Variants in LYST observed in about 807,000 individuals in gnomAD.
LYST encodes lysosomal trafficking regulator, also known as lysosomal-trafficking regulator.
LYST carries 192 observed loss-of-function variants against 413.6 expected under a neutral mutation model. The ratio of observed to expected loss-of-function variants is 0.46; its 90% CI spans 0.41 to 0.52. The LOEUF (loss-of-function observed/expected upper bound fraction) is 0.52, where lower values mean the gene tolerates loss of function less well. Among genes scored for constraint, LYST ranks in the 20% least tolerant of loss-of-function variants. The probability of loss-of-function intolerance (pLI) is 0.00; values close to 1 mark genes in which losing one functional copy is unlikely to be tolerated. For synonymous variants in LYST, 1,525 were observed against 1,567.3 expected (o/e 0.97, Z 0.64); for missense variants, 3,815 against 4,499.9 (o/e 0.85, Z 4.35).
intron 1 of LYST, among the ~76,000 whole-genome samples, chr1:235,881,373 T>C (rs981162555): frequency 5.3e-5 from 8 of 152,210 alleles, no homozygotes; most frequent in African/African-American, 1.9e-4. Context: ...TGTATATAGC[T>C]ACATTACCAC....
intron 1 of LYST, among the ~76,000 whole-genome samples, chr1:235,864,573 T>C (rs1034831025): frequency 1.3e-5 from 2 of 152,228 alleles, no homozygotes; most frequent in African/African-American, 4.8e-5. Flanking sequence ...CTTCTGCTCC[T>C]GCTCAACCCT....
chr1:235,747,438 G>A (rs1666038902), intron 28 of LYST: 1 of 214,404 alleles, frequency 4.7e-6, no homozygotes, highest in South Asian at 5.6e-5. Flanking sequence ...TATCCTGTAA[G>A]ATATTTAAAT....
chr1:235,672,091 C>T (rs1658988522), intron 50 of LYST, among the ~76,000 whole-genome samples: 1 of 152,090 alleles, frequency 6.6e-6, no homozygotes, highest in African/African-American at 2.4e-5. Flanking sequence ...GACCTGTCAA[C>T]TGGGTGAATT....
chr1:235,804,065 C>G (rs1302079001), intron 7 of LYST, among the ~76,000 whole-genome samples: 1 of 152,100 alleles, frequency 6.6e-6, no homozygotes, highest in African/African-American at 2.4e-5. Flanking sequence ...AGGCACTAGT[C>G]ATTTTTATGT....
chr1:235,738,867 T>G (rs1665069736), intron 31 of LYST: 1 of 758,154 alleles, frequency 1.3e-6, no homozygotes, highest in South Asian at 1.4e-5. Context: ...TAGCATTCCT[T>G]GCATCTTGGG....
At chr1:235,851,738 G>A (rs972404325) in intron 1 of LYST, among the ~76,000 whole-genome samples, 2 of 151,770 alleles carry the variant, frequency 1.3e-5, no homozygotes, top group African/African-American at 4.8e-5. Flanking sequence ...GCAAAATCTG[G>A]TACTCACTAA....
At chr1:235,716,645 A>G (rs995537913) in intron 41 of LYST, 67 bp downstream of exon 41, 2 of 1,004,852 alleles carry the variant, frequency 2.0e-6, no homozygotes, top group African/African-American at 1.6e-5. Context: ...AAATTAGGTA[A>G]AACACAAGTC....
intron 1 of LYST, among the ~76,000 whole-genome samples, chr1:235,857,087 AG>A: frequency 6.6e-6 from 1 of 152,110 alleles, no homozygotes. Context: ...CTGGGATTAC[AG>A]GTGTGCGTCA....
At chr1:235,830,948 T>C (rs990932551) in intron 2 of LYST, among the ~76,000 whole-genome samples, 2 of 152,182 alleles carry the variant, frequency 1.3e-5, no homozygotes, top group African/African-American at 4.8e-5. Flanking sequence ...CTTCACTTCT[T>C]ATGACATATT....
At chr1:235,820,486 C>T (rs1674633905) in intron 3 of LYST, among the ~76,000 whole-genome samples, 2 of 152,108 alleles carry the variant, frequency 1.3e-5, no homozygotes, top group East Asian at 3.8e-4. Context: ...CCTCCCGCCC[C>T]AGCCTCCCAA....
chr1:235,664,943 G>C lies in LYST; in HGVS notation c.11039-322C>G, dbSNP rs190195959. 6.6e-6 allele frequency among the ~76,000 whole-genome samples: 1 copy of C among 152,200 alleles called. No individual in the cohort carries two copies. Among genetic ancestry groups the C allele is most frequent in the African/African-American group, 2.4e-5 (1 of 41,522 alleles). On this transcript the variant is annotated intron_variant, in intron 50 of 52. Transcript: ENST00000389793. The surrounding 1 kb of genome is among the most constrained non-coding windows in gnomAD (Gnocchi z 4.5). ...TAAGTTGCTGGGACAACAGGTGCAC[G>C]CCACCACATCCGGCTAATTTTTATA...
At chr1:235,739,597 C>G (rs139730124) in intron 31 of LYST, among the ~76,000 whole-genome samples, 53 of 142,096 alleles carry the variant, frequency 3.7e-4, no homozygotes, top group African/African-American at 1.4e-3. Context: ...CCACAATAAA[C>G]CTTGAACAGT....
In LYST at chr1:235,773,872, C is replaced by A. The variant is rs527664540; in HGVS notation, c.5754G>T (p.Leu1918Phe). The A allele has an allele frequency of 1.1e-5, 17 of 1,612,762 alleles. No individual in the cohort carries two copies. The South Asian group carries it at 1.9e-4, about 18-fold the overall frequency. ...IQDVKLLEEL[L>F]LDWKIWSKAE... is the part of the protein sequence containing the mutation. Reference sequence around the variant, plus strand: ...CTTTACTCCATATCTTCCAGTCAAGCAATAGTTCCTCTAACAGCTTAACAT... The same window carrying A: ...CTTTACTCCATATCTTCCAGTCAAGAAATAGTTCCTCTAACAGCTTAACAT... The change falls in exon 19 of 53, where the codon TTG (leucine) becomes TTT (phenylalanine). Residue 1918 changes from leucine (L) to phenylalanine (F), a missense_variant. Transcript: ENST00000389793.
In LYST at chr1:235,677,140, A is replaced by G. The variant is rs769908105; in HGVS notation, c.10989T>C (p.Ala3663=). Residue 3663 remains alanine, a synonymous_variant, in exon 50 of 53, where the codon GCT becomes GCC. Coordinates refer to ENST00000389793, the MANE Select transcript of LYST (RefSeq NM_000081.4). ...CACCTGAGGTTTCACTGGCAGAGACAGCTGTGACAGGGCTTTTGTGTCCCG... is the reference window on the plus strand; with the variant it reads ...CACCTGAGGTTTCACTGGCAGAGACGGCTGTGACAGGGCTTTTGTGTCCCG... ...SLAGHKSPVT[A]VSASETSGDI... The G allele has an allele frequency of 7.4e-6, 12 of 1,613,966 alleles. No individual in the cohort carries two copies. Among genetic ancestry groups the G allele is most frequent in the African/African-American group, 2.7e-5 (2 of 74,938 alleles).
chr1:235,795,951 G>T (rs1271422224), intron 10 of LYST, among the ~76,000 whole-genome samples: 1 of 151,512 alleles, frequency 6.6e-6, no homozygotes, highest in Admixed American at 6.6e-5. Context: ...ATATGAAAAA[G>T]AAATAACCAG....
intron 34 of LYST, 66 bp from the exon 35 acceptor site, chr1:235,731,243 CATT>C (rs1405722120): frequency 4.0e-5 from 56 of 1,407,394 alleles, no homozygotes; most frequent in Non-Finnish European, 3.8e-5. Flanking sequence ...TAAAAAAAAT[CATT>C]ATAGAGATTG....
intron 50 of LYST, among the ~76,000 whole-genome samples, chr1:235,672,058 A>G (rs376816237): frequency 6.6e-6 from 1 of 152,176 alleles, no homozygotes; most frequent in African/African-American, 2.4e-5. Context: ...GAAGGAGAAG[A>G]GTAAAGGATG....
At chr1:235,872,522 A>G (rs555562006) in intron 1 of LYST, among the ~76,000 whole-genome samples, 2 of 152,300 alleles carry the variant, frequency 1.3e-5, no homozygotes, top group South Asian at 4.1e-4. Flanking sequence ...TGTGTGCAGC[A>G]TTCCTTCTTC....
chr1:235,715,428 T>C, intron 41 of LYST, 71 bp from the exon 42 acceptor site: 5 of 1,438,746 alleles, frequency 3.5e-6, no homozygotes, highest in Non-Finnish European at 4.8e-6. Flanking sequence ...GTGCTGGATG[T>C]TTTTTTTTCT....
Sources: gnomAD v4.1 joint callset for allele counts (sites outside exome capture counted in the v4.1 genomes callset) on GRCh38, gnomAD v4.1.1 for gene constraint, Gnocchi (gnomAD v3.1) non-coding constraint, MANE v1.5 for transcripts, NCBI Gene and HGNC (gene_info 2026-07-23, HGNC 2026-07-21) for gene names.